The following SLC40A1 variants were observed in gnomAD, a reference collection of about 807,000 sequenced individuals.
SLC40A1 encodes the protein solute carrier family 40 member 1.
Under a neutral mutation model 53.5 loss-of-function variants are expected in SLC40A1, and 16 were observed. The ratio of observed to expected loss-of-function variants is 0.30; its 90% CI spans 0.20 to 0.45. The LOEUF is 0.45. Ranked by LOEUF, SLC40A1 falls within the 20% of genes least tolerant of loss-of-function variation. The pLI, the probability that SLC40A1 is intolerant of heterozygous loss-of-function variation, is 1.00. For missense variants in SLC40A1, 545 were observed against 695.4 expected (o/e 0.78, Z 2.43); for synonymous variants, 247 against 253.2 (o/e 0.98, Z 0.23).
chr2:189,571,677 T>C, intron 5 of SLC40A1, 38 bp downstream of exon 5: 1 of 1,607,140 alleles, frequency 6.2e-7, no homozygotes. Context: ...AAGTGAATCC[T>C]AACATGCTCA....
At chr2:189,574,861 T>G (rs1294382591) in intron 3 of SLC40A1, among the ~76,000 whole-genome samples, 1 of 152,190 alleles carries the variant, frequency 6.6e-6, no homozygotes, top group Non-Finnish European at 1.5e-5. Context: ...TTAAGCAAAC[T>G]TTTAATGTTT....
rs76870780 is a variant in SLC40A1, at chr2:189,565,174, G to T, written c.760+180C>A. On this transcript the variant is annotated intron_variant, in intron 6 of 7. Coordinates refer to ENST00000261024, the MANE Select transcript of SLC40A1 (RefSeq NM_014585.6). ...TTCTAACCCCACCAGATTCAACCCG[G>T]AGTTTTTCCCTAGATCCTCAAAAGC... Among the ~76,000 whole-genome samples the T allele has an allele frequency of 6.6e-4, 101 of 152,160 alleles. 1 individual carries two copies. In the East Asian group the frequency reaches 0.019, roughly 29 times the overall value.
intron 2 of SLC40A1, chr2:189,578,116 T>A (rs1439813): frequency 0.59 from 380,185 of 640,298 alleles, 115,640 homozygotes; most frequent in East Asian, 0.81. Context: ...CATATATATA[T>A]AATACATATA....
At position 189,571,804 on chromosome 2, in the gene SLC40A1, A is replaced by G; in HGVS notation, c.425T>C (p.Ile142Thr). The G allele has an allele frequency of 1.9e-6, 3 of 1,612,936 alleles. No individual in the cohort carries two copies. The highest frequency in any genetic ancestry group is 1.1e-5 in the South Asian group (1 of 91,058). ...CYILIITIANIANLASTATAI... is the reference protein window; with the variant it reads ...CYILIITIANTANLASTATAI... ...AGTAGCAGTACTGGCCAAATTTGCA[A>G]TATTTGCAATAGTGATGATCAGGAT... is the stretch of plus-strand genomic sequence containing the variant. Residue 142 changes from isoleucine (I) to threonine (T), a missense_variant, in exon 5 of 8, where the codon ATT becomes ACT. Coordinates refer to ENST00000261024, the MANE Select transcript of SLC40A1 (RefSeq NM_014585.6).
At chr2:189,574,805 T>TCA (rs981341608) in intron 3 of SLC40A1, among the ~76,000 whole-genome samples, 1 of 152,162 alleles carries the variant, frequency 6.6e-6, no homozygotes, top group Admixed American at 6.5e-5. Context: ...CTCAGGAACA[T>TCA]CACACTAAAG....
At chr2:189,564,883 C>A (rs923915909) in intron 6 of SLC40A1, among the ~76,000 whole-genome samples, 1 of 152,152 alleles carries the variant, frequency 6.6e-6, no homozygotes, top group African/African-American at 2.4e-5. Flanking sequence ...TGGGTCCCTG[C>A]AGAGCTGGAT....
At chr2:189,562,560 A>T (rs2030779140) in intron 7 of SLC40A1, among the ~76,000 whole-genome samples, 2 of 152,220 alleles carry the variant, frequency 1.3e-5, no homozygotes, top group Admixed American at 1.3e-4. Context: ...ATAAATGGTT[A>T]TGGTTAAAGT....
At chr2:189,564,522 T>C (rs2105620943) in intron 6 of SLC40A1, among the ~76,000 whole-genome samples, 1 of 151,996 alleles carries the variant, frequency 6.6e-6, no homozygotes, top group Admixed American at 6.6e-5. Flanking sequence ...ACTCACCAGA[T>C]AAAATATTAA....
Position 189,563,778 on chromosome 2 carries a change from G to A in SLC40A1, c.1208C>T (p.Ser403Phe), listed in dbSNP as rs887720465. 1 of 1,614,056 alleles carries A rather than the reference G, an allele frequency of 6.2e-7. No homozygotes were observed. Among genetic ancestry groups the A allele is most frequent in the Non-Finnish European group, 8.5e-7 (1 of 1,180,028 alleles). ...CCTTGATCGGATATCTTCAAAAGGA[G>A]AAACGGACAAGTCCAGGGGGCTTCC... Reference protein sequence around the residue: ...MPGSPLDLSVSPFEDIRSRFI... With the variant: ...MPGSPLDLSVFPFEDIRSRFI... Residue 403 changes from serine (S) to phenylalanine (F), a missense_variant, in exon 7 of 8, where the codon TCT (serine) becomes TTT (phenylalanine). By Grantham distance (155) the Ser-to-Phe change is radical. Transcript: ENST00000261024.
In SLC40A1 at chr2:189,571,842, C is replaced by A; in HGVS notation, c.388-1G>T. ...TGATGATCAGGATATAGCAGGAAGT[C>A]TAAAGAATGACAAGAAAAAAATGAG... is the stretch of plus-strand genomic sequence containing the variant. On this transcript the variant is annotated splice_acceptor_variant, in intron 4 of 7. Transcript: ENST00000261024. LOFTEE classifies it high-confidence loss of function. 6.2e-7 allele frequency: 1 copy of A among 1,601,238 alleles called. No individual in the cohort carries two copies. Among genetic ancestry groups the A allele is most frequent in the South Asian group, 1.1e-5 (1 of 90,750 alleles).
chr2:189,569,559 G>A (rs2105625767), intron 5 of SLC40A1, among the ~76,000 whole-genome samples: 1 of 152,220 alleles, frequency 6.6e-6, no homozygotes, highest in South Asian at 2.1e-4. Flanking sequence ...CTTTAACTCT[G>A]CAATAGCAGA....
intron 7 of SLC40A1, 40 bp downstream of exon 7, chr2:189,563,544 G>A: frequency 1.3e-6 from 2 of 1,575,352 alleles, no homozygotes; most frequent in Non-Finnish European, 1.7e-6. Flanking sequence ...ATTACAAAAA[G>A]ACACTTTAGT....
At position 189,579,852 on chromosome 2, in the gene SLC40A1, T is replaced by C. The variant is rs1205057574; in HGVS notation, c.72A>G (p.Ala24=). 6.2e-7 allele frequency: 1 copy of C among 1,614,206 alleles called. No homozygotes were observed. The highest frequency in any genetic ancestry group is 8.5e-7 in the Non-Finnish European group (1 of 1,180,034). ...AATGACCAAGGTAGAGAAGGAATTT[T>C]GCAGAGGTCAGGTAGTCGGCCAAGG... ...CGSLADYLTS[A]KFLLYLGHSL... Residue 24 remains alanine, a synonymous_variant, in exon 2 of 8, where the codon GCA becomes GCG. Coordinates refer to ENST00000261024, the MANE Select transcript of SLC40A1 (RefSeq NM_014585.6).
rs1363557777 is a variant in SLC40A1, at chr2:189,565,535, G to A, written c.579C>T (p.Gly193=). ...CTGGGGAGCCAAATGTCATAATCTG[G>A]CCAACAGCCATGGGGGCTAAGATGT... ...LTNILAPMAV[G]QIMTFGSPVI... Residue 193 remains glycine, a synonymous_variant, in exon 6 of 8, where the codon GGC becomes GGT. Transcript: ENST00000261024. 1.2e-6 allele frequency: 2 copies of A among 1,614,188 alleles called. No homozygotes were observed. The highest frequency in any genetic ancestry group is 1.7e-5 in the Admixed American group (1 of 60,028).
intron 6 of SLC40A1, 29 bp from the exon 7 acceptor site, chr2:189,564,254 T>C (rs368174897): frequency 1.2e-6 from 2 of 1,606,628 alleles, no homozygotes; most frequent in Non-Finnish European, 1.7e-6. Context: ...ATTATTTTGT[T>C]GGGGAGGACA....
chr2:189,564,352 G>A (rs983615322), intron 6 of SLC40A1, 127 bp from the exon 7 acceptor site: 1 of 704,054 alleles, frequency 1.4e-6, no homozygotes, highest in South Asian at 1.8e-5. Flanking sequence ...ATTGTAATAT[G>A]TATTTTCTTT....
At chr2:189,579,718 T>C in intron 2 of SLC40A1, 95 bp downstream of exon 2, 1 of 1,087,758 alleles carries the variant, frequency 9.2e-7, no homozygotes, top group Non-Finnish European at 1.4e-6. Context: ...TTTAACTGCT[T>C]GACAAAACTG....
chr2:189,580,756 T>A lies in SLC40A1; in HGVS notation c.-296A>T, dbSNP rs965986872. 2.3e-6 allele frequency: 3 copies of A among 1,322,276 alleles called. No homozygotes were observed. Among genetic ancestry groups the A allele is most frequent in the Non-Finnish European group, 1.9e-6 (2 of 1,033,422 alleles). 81.9% of individuals were successfully genotyped at this position (1,322,276 alleles called of 1,614,324 possible). A position where few individuals can be genotyped will look rare whatever the true frequency, so the allele number is the denominator to read the frequency against. On this transcript the variant is annotated 5_prime_UTR_variant, in exon 1 of 8. Transcript: ENST00000261024. ...GGTCGTCCGAGCCTAGCGGACGCCC[T>A]GAGCCAGCTCTCTCCGCCGCCGCCG...
intron 7 of SLC40A1, among the ~76,000 whole-genome samples, chr2:189,562,795 G>A (rs1179159467): frequency 1.3e-5 from 2 of 151,984 alleles, no homozygotes; most frequent in Admixed American, 6.6e-5. Context: ...TTTCCTTCCA[G>A]GGCTATAAAA....
Sources: allele counts gnomAD v4.1 joint callset (sites outside exome capture counted in the v4.1 genomes callset), GRCh38; gene constraint gnomAD v4.1.1; transcripts MANE v1.5; gene names NCBI Gene and HGNC (gene_info 2026-07-23, HGNC 2026-07-21).